FARP2: variants seen among roughly 807,000 people sequenced by gnomAD.
FARP2 encodes FERM, ARHGEF and pleckstrin domain-containing protein 2.
FARP2 carries 111 observed loss-of-function variants against 130.5 expected under a neutral mutation model. That is an observed-to-expected ratio of 0.85 (90% CI 0.73 to 1.00). The LOEUF is 1.00. Ranked by LOEUF, FARP2 falls within the 50% of genes least tolerant of loss-of-function variation. FARP2 has a pLI of 0.00. For synonymous variants in FARP2, 504 were observed against 516.9 expected (o/e 0.98, Z 0.34); for missense variants, 1,385 against 1,346.3 (o/e 1.03, Z -0.45).
intron 2 of FARP2, among the ~76,000 whole-genome samples, chr2:241,388,007 C>T (rs1421201391): frequency 6.6e-6 from 1 of 152,084 alleles, no homozygotes; most frequent in Non-Finnish European, 1.5e-5. Context: ...TCAAACTGCT[C>T]TACAGATTCA....
In FARP2 at chr2:241,484,294, TC is replaced by T; in HGVS notation, c.2386del (p.Arg796GlyfsTer52). ...AAAGGAGTTGCAGGGACCAGCCACT[TC>T]CGGATCCGGGGCCTCCTTCCCCTCC... ...TSKGVAGTSHFRIRGLLPLQG... is the reference protein window; with the variant it reads ...TSKGVAGTSHXRIRGLLPLQG... On this transcript the variant is annotated frameshift_variant, in exon 21 of 27. Coordinates refer to ENST00000264042, the MANE Select transcript of FARP2 (RefSeq NM_014808.4). LOFTEE classifies it high-confidence loss of function. 1 of 1,614,180 alleles carries T rather than the reference TC, an allele frequency of 6.2e-7. No homozygotes were observed. The highest frequency in any genetic ancestry group is 8.5e-7 in the Non-Finnish European group (1 of 1,180,016).
intron 19 of FARP2, chr2:241,478,226 G>A (rs1347080713): frequency 6.4e-6 from 1 of 156,378 alleles, no homozygotes; most frequent in African/African-American, 2.4e-5. Context: ...CTTGAGCCCA[G>A]GAGTTCAACG....
chr2:241,475,824 T>C lies in FARP2; in HGVS notation c.2132-33T>C. 1 of 1,582,794 alleles carries C rather than the reference T, an allele frequency of 6.3e-7. No individual in the cohort carries two copies. The highest frequency in any genetic ancestry group is 1.7e-4 in the Middle Eastern group (1 of 5,884). ...GGAGGGTGCTGTGCACACCACTGCC[T>C]GTACACCTGTACTGAGGGGTCTCTC... On this transcript the variant is annotated intron_variant, in intron 18 of 26. Transcript: ENST00000264042. This position sits in a 1 kb window ranked among gnomAD's most constrained non-coding sequence, Gnocchi z 4.4.
intron 2 of FARP2, among the ~76,000 whole-genome samples, chr2:241,383,264 A>G (rs1249065798): frequency 6.6e-6 from 1 of 152,214 alleles, no homozygotes; most frequent in Admixed American, 6.5e-5. Context: ...TGGACAAGGT[A>G]TACTGCGAAG....
intron 26 of FARP2, 157 bp downstream of exon 26, chr2:241,493,601 T>TG: frequency 3.1e-6 from 2 of 644,508 alleles, no homozygotes; most frequent in East Asian, 2.7e-5. Flanking sequence ...TGCTTTGTTT[T>TG]TTTTTTTTTT....
intron 9 of FARP2, among the ~76,000 whole-genome samples, chr2:241,432,615 A>G (rs1369591644): frequency 1.3e-5 from 2 of 152,224 alleles, no homozygotes; most frequent in Non-Finnish European, 2.9e-5. Context: ...ATCAGGGAGT[A>G]AATATTCCCT....
At chr2:241,405,938 A>G (rs181058072) in intron 4 of FARP2, among the ~76,000 whole-genome samples, 2 of 152,122 alleles carry the variant, frequency 1.3e-5, no homozygotes, top group East Asian at 1.9e-4. Context: ...CATCTGAGAA[A>G]AAAAAAGTAG....
At chr2:241,484,968 C>A (rs529710256) in intron 21 of FARP2, among the ~76,000 whole-genome samples, 2 of 152,252 alleles carry the variant, frequency 1.3e-5, no homozygotes, top group East Asian at 1.9e-4. Context: ...CAGGACACCA[C>A]GTCACAGTGA....
intron 8 of FARP2, among the ~76,000 whole-genome samples, chr2:241,427,943 T>G (rs1436348615): frequency 6.6e-6 from 1 of 152,130 alleles, no homozygotes; most frequent in Non-Finnish European, 1.5e-5. Context: ...ATTTTTTGTA[T>G]TTTTAGTAGA....
At chr2:241,403,572 A>G (rs2062249100) in intron 2 of FARP2, among the ~76,000 whole-genome samples, 1 of 152,220 alleles carries the variant, frequency 6.6e-6, no homozygotes, top group African/African-American at 2.4e-5. Context: ...CTATAGCTTA[A>G]AGTTACAAAG....
chr2:241,461,198 A>AC (rs1246075543), intron 14 of FARP2, among the ~76,000 whole-genome samples: 3 of 151,748 alleles, frequency 2.0e-5, no homozygotes, highest in Admixed American at 2.0e-4. Context: ...TGCGGCAGTC[A>AC]CCCCTCCTGC....
intron 1 of FARP2, among the ~76,000 whole-genome samples, chr2:241,365,581 A>G (rs2150286439): frequency 6.6e-6 from 1 of 152,326 alleles, no homozygotes; most frequent in East Asian, 1.9e-4. Context: ...TTATTTACAC[A>G]CATACACACA....
At chr2:241,420,762 A>C (rs779773641) in intron 8 of FARP2, among the ~76,000 whole-genome samples, 1 of 152,114 alleles carries the variant, frequency 6.6e-6, no homozygotes, top group East Asian at 1.9e-4. Flanking sequence ...CTGGCCCCAC[A>C]TGCAACAATA....
rs573038228 is a variant in FARP2 at position 241,403,951 on chromosome 2, C to G, written c.288+19C>G. On this transcript the variant is annotated intron_variant, in intron 3 of 26. Transcript: ENST00000264042. The stretch of plus-strand genomic sequence containing the variant: ...CTACTGGGTAAGTGCTTATGACGTG[C>G]CCAGGCGTGGAGCCTTTGGGCCTGC... 6.9e-7 allele frequency: 1 copy of G among 1,448,556 alleles called. No homozygotes were observed. The highest frequency in any genetic ancestry group is 1.1e-5 in the South Asian group (1 of 87,582). 89.7% of individuals were successfully genotyped at this position (1,448,556 alleles called of 1,614,324 possible). A position where few individuals can be genotyped will look rare whatever the true frequency, so the allele number is the denominator to read the frequency against.
Position 241,407,559 on chromosome 2 carries a change from C to T in FARP2, c.354C>T (p.Arg118=), listed in dbSNP as rs2062395148. 3 of 1,613,892 alleles carry T rather than the reference C, an allele frequency of 1.9e-6. No homozygotes were observed. Among genetic ancestry groups the T allele is most frequent in the African/African-American group, 1.3e-5 (1 of 74,888 alleles). ...TAGGGCCAAAGAATGTGGTGCTTCGCCTAGCTGTAAAATTTTTTCCACCTG... is the reference window on the plus strand; with the variant it reads ...TAGGGCCAAAGAATGTGGTGCTTCGTCTAGCTGTAAAATTTTTTCCACCTG... The part of the protein sequence containing the change: ...QIRRPKNVVL[R]LAVKFFPPDP... Residue 118 remains arginine (R), a synonymous_variant, in exon 5 of 27, where the codon CGC becomes CGT. Coordinates refer to ENST00000264042, the MANE Select transcript of FARP2 (RefSeq NM_014808.4).
At chr2:241,453,146 A>G (rs1192739824) in intron 13 of FARP2, among the ~76,000 whole-genome samples, 9 of 149,622 alleles carry the variant, frequency 6.0e-5, no homozygotes, top group Non-Finnish European at 1.5e-5. Flanking sequence ...CCTGGCCAAC[A>G]TGGTGAAACC....
intron 2 of FARP2, among the ~76,000 whole-genome samples, chr2:241,402,851 TATATATATATATATATATATATATATATA>T (rs1559734836): frequency 4.1e-4 from 4 of 9,668 alleles, no homozygotes; most frequent in Non-Finnish European, 5.2e-4. Flanking sequence ...TATATATATA[TATATATATATATATATATATATATATATA>T]TTTTTTTTTT....
intron 13 of FARP2, among the ~76,000 whole-genome samples, chr2:241,450,956 A>C (rs2063641941): frequency 1.3e-5 from 2 of 152,270 alleles, no homozygotes; most frequent in South Asian, 4.1e-4. Context: ...TCTAAAGAAA[A>C]ATAAATATAT....
intron 8 of FARP2, among the ~76,000 whole-genome samples, chr2:241,428,233 A>AC (rs1408657643): frequency 9.6e-6 from 1 of 103,908 alleles, no homozygotes; most frequent in Non-Finnish European, 2.0e-5. Flanking sequence ...CCAATATTTT[A>AC]CTTTTTTTTT....
Sources: gnomAD v4.1 joint callset for allele counts (sites outside exome capture counted in the v4.1 genomes callset) on GRCh38, gnomAD v4.1.1 for gene constraint, Gnocchi (gnomAD v3.1) non-coding constraint, MANE v1.5 for transcripts, NCBI Gene and HGNC (gene_info 2026-07-23, HGNC 2026-07-21) for gene names.